The following TAFA4 variants were observed in gnomAD, a reference collection of about 807,000 sequenced individuals.
The protein encoded by TAFA4 is chemokine-like protein TAFA-4.
In TAFA4, 20 loss-of-function variants were observed where a neutral mutation model predicts 21.1. The observed-to-expected ratio is 0.95, with a 90% CI of 0.67 to 1.38. The LOEUF is 1.38. TAFA4 is among the 40% of genes most tolerant of loss of function. The pLI is 0.00. For missense variants in TAFA4, 211 were observed against 180.9 expected, an observed-to-expected ratio of 1.17 and a Z score of -0.95; for synonymous variants, 71 against 67.4, an observed-to-expected ratio of 1.05 and a Z score of -0.26.
intron 3 of TAFA4, among the ~76,000 whole-genome samples, chr3:68,865,740 C>A (rs986999939): frequency 4.6e-5 from 7 of 152,064 alleles, no homozygotes; most frequent in Non-Finnish European, 1.0e-4. Context: ...AAACTCCAGT[C>A]CTCAAGTGAT....
In TAFA4 at chr3:68,804,464, A is replaced by G. The variant is rs1016156022; in HGVS notation, c.131-51446T>C. On this transcript the variant is annotated intron_variant, in intron 3 of 5. Transcript: ENST00000295569. ...GAAAAAACTACTTTAAAGTTCATAT[A>G]GAACCAAAAAAGAGCCCACACTGCC... is the stretch of plus-strand genomic sequence containing the variant. 6.6e-5 allele frequency among the ~76,000 whole-genome samples: 10 copies of G among 152,164 alleles called. No individual in the cohort carries two copies. In the South Asian group the frequency reaches 1.7e-3, roughly 25 times the overall value.
intron 3 of TAFA4, among the ~76,000 whole-genome samples, chr3:68,779,181 C>A (rs1420561223): frequency 6.6e-6 from 1 of 152,122 alleles, no homozygotes; most frequent in Non-Finnish European, 1.5e-5. Context: ...AGTGTATCTA[C>A]TGGAAGAAAT....
At chr3:68,738,318 G>A (rs890358485) in intron 5 of TAFA4, among the ~76,000 whole-genome samples, 17 of 152,182 alleles carry the variant, frequency 1.1e-4, no homozygotes, top group African/African-American at 4.1e-4. Context: ...ACCAGGCAGA[G>A]GCTAGTGGAC....
At chr3:68,736,416 CCT>C (rs1371719706) in intron 5 of TAFA4, among the ~76,000 whole-genome samples, 5 of 152,068 alleles carry the variant, frequency 3.3e-5, no homozygotes, top group African/African-American at 7.2e-5. Context: ...AGGGAATTAT[CCT>C]CTCTCTTTTC....
At chr3:68,819,409 A>G (rs11920714) in intron 3 of TAFA4, among the ~76,000 whole-genome samples, 101,305 of 151,908 alleles carry the variant, frequency 0.67, 34,247 homozygotes, top group East Asian at 0.98. Context: ...GAGTGAAAGC[A>G]GTAAGTGTGG....
chr3:68,859,593 C>G (rs917803457), intron 3 of TAFA4, among the ~76,000 whole-genome samples: 1 of 152,076 alleles, frequency 6.6e-6, no homozygotes, highest in African/African-American at 2.4e-5. Context: ...TCTCTTCTGG[C>G]CTTTTGACCA....
chr3:68,899,118 A>G (rs766665260), intron 1 of TAFA4, among the ~76,000 whole-genome samples: 6 of 152,184 alleles, frequency 3.9e-5, no homozygotes, highest in Admixed American at 6.5e-5. Flanking sequence ...CCACATATCT[A>G]CTTTTTCATG....
chr3:68,836,985 C>A (rs958835065), intron 3 of TAFA4, among the ~76,000 whole-genome samples: 1 of 152,224 alleles, frequency 6.6e-6, no homozygotes, highest in African/African-American at 2.4e-5. Flanking sequence ...CAGGAATTGA[C>A]AAATTATGGC....
At chr3:68,911,462 A>T (rs1025571184) in intron 1 of TAFA4, among the ~76,000 whole-genome samples, 11 of 152,194 alleles carry the variant, frequency 7.2e-5, no homozygotes, top group African/African-American at 2.7e-4. Context: ...TACACCTCAC[A>T]CACCCCAGGT....
At chr3:68,884,050 A>G (rs2089646362) in intron 2 of TAFA4, among the ~76,000 whole-genome samples, 2 of 152,244 alleles carry the variant, frequency 1.3e-5, no homozygotes, top group Non-Finnish European at 2.9e-5. Flanking sequence ...CACAGCCACA[A>G]GATGGGATGT....
chr3:68,877,578 A>AG (rs1397141135), intron 3 of TAFA4, among the ~76,000 whole-genome samples: 1 of 152,160 alleles, frequency 6.6e-6, no homozygotes, highest in African/African-American at 2.4e-5. Context: ...AGCAAATAAA[A>AG]GGGCTCTCAA....
chr3:68,761,804 G>A (rs1702759261), intron 3 of TAFA4, among the ~76,000 whole-genome samples: 1 of 152,186 alleles, frequency 6.6e-6, no homozygotes, highest in Non-Finnish European at 1.5e-5. Flanking sequence ...GTGGTGGCTT[G>A]GACCAATGTG....
chr3:68,926,346 C>CT (rs888941585), intron 1 of TAFA4, among the ~76,000 whole-genome samples: 30 of 151,604 alleles, frequency 2.0e-4, no homozygotes, highest in African/African-American at 6.8e-4. Flanking sequence ...GGGTGGGTTT[C>CT]TTTTTTTTAA....
chr3:68,823,847 A>C (rs1408652812), intron 3 of TAFA4, among the ~76,000 whole-genome samples: 1 of 152,244 alleles, frequency 6.6e-6, no homozygotes, highest in Non-Finnish European at 1.5e-5. Context: ...AATGTGGTAC[A>C]TATACAAGAT....
intron 2 of TAFA4, among the ~76,000 whole-genome samples, chr3:68,881,267 G>T (rs559846829): frequency 6.6e-6 from 1 of 152,106 alleles, no homozygotes; most frequent in Non-Finnish European, 1.5e-5. Flanking sequence ...ACTTTCTCCT[G>T]GTTTCTCTGA....
intron 3 of TAFA4, among the ~76,000 whole-genome samples, chr3:68,835,357 G>A (rs1451922452): frequency 1.3e-5 from 2 of 152,076 alleles, no homozygotes; most frequent in African/African-American, 4.8e-5. Context: ...GCTCCTTGAG[G>A]GCAAAATGTT....
chr3:68,856,942 C>A (rs954223574), intron 3 of TAFA4, among the ~76,000 whole-genome samples: 11 of 152,108 alleles, frequency 7.2e-5, no homozygotes, highest in African/African-American at 2.4e-4. Context: ...TGAGCCTCAA[C>A]ATAAACATGA....
chr3:68,770,455 C>T (rs896095461), intron 3 of TAFA4, among the ~76,000 whole-genome samples: 23 of 152,108 alleles, frequency 1.5e-4, no homozygotes, highest in Admixed American at 4.6e-4. Flanking sequence ...CTGAAATAAG[C>T]AAAGGCTGGT....
rs1702522058 is a variant in TAFA4, at chr3:68,749,504, T to C, written c.286+3359A>G. 2.0e-5 allele frequency among the ~76,000 whole-genome samples: 3 copies of C among 152,194 alleles called. No homozygotes were observed. In the South Asian group the frequency reaches 6.2e-4, roughly 31 times the overall value. ...AGGGCATGATACTGCATAATTATTA[T>C]GGGATAAAGATTAAGCAGGTAAAGC... is the stretch of plus-strand genomic sequence containing the variant. On this transcript the variant is annotated intron_variant, in intron 4 of 5. Coordinates refer to ENST00000295569, the MANE Select transcript of TAFA4 (RefSeq NM_182522.5).
Sources: gnomAD v4.1 joint callset for allele counts (sites outside exome capture counted in the v4.1 genomes callset) on GRCh38, gnomAD v4.1.1 for gene constraint, MANE v1.5 for transcripts, NCBI Gene and HGNC (gene_info 2026-07-23, HGNC 2026-07-21) for gene names.